Variants in NRXN3 observed in about 807,000 individuals in gnomAD.
NRXN3 encodes neurexin III.
Under a neutral mutation model 137.6 loss-of-function variants are expected in NRXN3, and 32 were observed. That is an observed-to-expected ratio of 0.23 (90% confidence interval 0.18 to 0.31). The LOEUF (loss-of-function observed/expected upper bound fraction) is 0.31. NRXN3 is among the 10% of genes least tolerant of loss of function. NRXN3 has a pLI of 1.00. For synonymous variants in NRXN3, 798 were observed against 784.5 expected (o/e 1.02, Z -0.29); for missense variants, 1,574 against 2,062.5 (o/e 0.76, Z 4.59).
At chr14:79,215,890 T>A (rs886589113) in intron 15 of NRXN3, among the ~76,000 whole-genome samples, 2 of 152,200 alleles carry the variant, frequency 1.3e-5, no homozygotes, top group Non-Finnish European at 2.9e-5. Context: ...TCACTGGTGT[T>A]TTTTTCTGGT....
chr14:79,166,942 A>C (rs1325526639), intron 15 of NRXN3, among the ~76,000 whole-genome samples: 1 of 151,962 alleles, frequency 6.6e-6, no homozygotes, highest in Admixed American at 6.6e-5. Flanking sequence ...ATTTCTTTTA[A>C]TCCTCTCATT....
chr14:78,344,829 C>T (rs953031528), intron 4 of NRXN3, among the ~76,000 whole-genome samples: 4 of 152,130 alleles, frequency 2.6e-5, no homozygotes, highest in Middle Eastern at 6.3e-3. Flanking sequence ...ACCTAGACCC[C>T]ATCTCAACTC....
chr14:79,521,646 A>C (rs903422412), intron 16 of NRXN3, among the ~76,000 whole-genome samples: 2 of 152,166 alleles, frequency 1.3e-5, no homozygotes, highest in Admixed American at 1.3e-4. Flanking sequence ...GACTCCTAGC[A>C]ATCAGATAAT....
At chr14:78,846,004 G>A (rs187963749) in intron 10 of NRXN3, among the ~76,000 whole-genome samples, 31 of 151,858 alleles carry the variant, frequency 2.0e-4, no homozygotes, top group African/African-American at 7.0e-4. Context: ...GAGTTTCCAA[G>A]TAAATTTATT....
intron 16 of NRXN3, among the ~76,000 whole-genome samples, chr14:79,499,099 A>G (rs1477478811): frequency 6.6e-6 from 1 of 152,184 alleles, no homozygotes; most frequent in Non-Finnish European, 1.5e-5. Flanking sequence ...AAATATAATC[A>G]GCCTTTATTA....
Position 78,803,716 on chromosome 14 carries a change from T to C in NRXN3, c.2141T>C (p.Met714Thr), listed in dbSNP as rs755993186. 2 of 1,614,124 alleles carry C rather than the reference T, an allele frequency of 1.2e-6. No individual in the cohort carries two copies. The highest frequency in any genetic ancestry group is 1.3e-5 in the African/African-American group (1 of 75,048). Residue 714 changes from methionine (M) to threonine (T), a missense_variant, in exon 9 of 21, where the codon ATG becomes ACG. Around this residue, in one of 5 missense-constraint regions of NRXN3, gnomAD observed 718 missense variants for 887.6 expected, o/e 0.81. Transcript: ENST00000335750. ...GCAGAGGATGTGTCCTTCCGCTTCA[T>C]GTCCCAGCGAGCTTATGGGCTGCTG... ...TEAEDVSFRF[M>T]SQRAYGLLVA... is the part of the protein sequence containing the mutation.
intron 4 of NRXN3, among the ~76,000 whole-genome samples, chr14:78,494,036 T>A (rs781448085): frequency 1.3e-5 from 2 of 152,186 alleles, no homozygotes; most frequent in Non-Finnish European, 2.9e-5. Flanking sequence ...TGGATCTCAG[T>A]GTTTTTGTCC....
At chr14:78,960,477 G>C (rs145963233) in intron 11 of NRXN3, among the ~76,000 whole-genome samples, 34 of 152,268 alleles carry the variant, frequency 2.2e-4, no homozygotes, top group African/African-American at 8.2e-4. Context: ...TAAAGAATAG[G>C]TCTGGCTCAC....
chr14:79,034,456 A>G (rs958654890), intron 15 of NRXN3, among the ~76,000 whole-genome samples: 2 of 152,070 alleles, frequency 1.3e-5, no homozygotes, highest in African/African-American at 4.8e-5. Flanking sequence ...TTGTGAGAAG[A>G]ACAATTTTGG....
chr14:79,743,740 T>G (rs1029059613), intron 19 of NRXN3, among the ~76,000 whole-genome samples: 12 of 152,174 alleles, frequency 7.9e-5, no homozygotes, highest in African/African-American at 2.9e-4. Flanking sequence ...ACTGGAGATT[T>G]AGTTACAGGT....
At chr14:79,186,409 T>C (rs2063551416) in intron 15 of NRXN3, among the ~76,000 whole-genome samples, 1 of 152,192 alleles carries the variant, frequency 6.6e-6, no homozygotes. Context: ...TCTCTCTTTT[T>C]TATGAATCAC....
At chr14:78,601,579 A>G (rs1219054350) in intron 4 of NRXN3, among the ~76,000 whole-genome samples, 2 of 151,806 alleles carry the variant, frequency 1.3e-5, no homozygotes, top group African/African-American at 2.4e-5. Flanking sequence ...CAGCCTCCCA[A>G]GTAGCTGGGA....
At chr14:79,265,222 G>C (rs1234046941) in intron 15 of NRXN3, among the ~76,000 whole-genome samples, 2 of 149,238 alleles carry the variant, frequency 1.3e-5, no homozygotes, top group East Asian at 3.9e-4. Context: ...AGGAGGAATG[G>C]GGGTTGCTCT....
At chr14:79,061,469 C>G (rs141465669) in intron 15 of NRXN3, among the ~76,000 whole-genome samples, 12 of 152,202 alleles carry the variant, frequency 7.9e-5, no homozygotes, top group Non-Finnish European at 1.2e-4. Context: ...GTGCAAAGCA[C>G]CCATGGCAAG....
chr14:79,423,604 G>T (rs1180175667), intron 15 of NRXN3, among the ~76,000 whole-genome samples: 1 of 152,190 alleles, frequency 6.6e-6, no homozygotes, highest in Non-Finnish European at 1.5e-5. Context: ...GCATTAGAAA[G>T]CTCCCCTCCA....
intron 16 of NRXN3, among the ~76,000 whole-genome samples, chr14:79,538,971 A>G (rs529294103): frequency 3.3e-5 from 5 of 152,316 alleles, no homozygotes; most frequent in Non-Finnish European, 7.4e-5. Context: ...ACTTATCCCT[A>G]TTTTACAGTT....
chr14:79,598,724 C>A (rs79357167), intron 16 of NRXN3, among the ~76,000 whole-genome samples: 8,620 of 152,182 alleles, frequency 0.057, 249 homozygotes, highest in East Asian at 0.082. Flanking sequence ...TGGGGAGAAG[C>A]AGAGGAAAGA....
In NRXN3 at chr14:79,861,313, T is replaced by C. The variant is rs927757684; in HGVS notation, c.4094-29T>C. On this transcript the variant is annotated intron_variant, in intron 20 of 20. Coordinates refer to ENST00000335750, the MANE Select transcript of NRXN3 (RefSeq NM_001330195.2). This position sits in a 1 kb window ranked among gnomAD's most constrained non-coding sequence, Gnocchi z 5.4. ...ACCTGCCCCCTACTGATGATGAAGATTTTTACACCACCTTCTCCTTGGTAA... is the reference window on the plus strand; with the variant it reads ...ACCTGCCCCCTACTGATGATGAAGACTTTTACACCACCTTCTCCTTGGTAA... The C allele has an allele frequency of 6.5e-7, 1 of 1,536,084 alleles. No homozygotes were observed. The highest frequency in any genetic ancestry group is 2.4e-5 in the East Asian group (1 of 40,908).
rs190120275 is a variant in NRXN3, at chr14:79,380,647, G to A, written c.3263-86574G>A. ...AGTCTTTGGTATTGTGAATAGTGCC[G>A]CAATAAACATACGTGTGCATGTGTC... On this transcript the variant is annotated intron_variant, in intron 15 of 20. Coordinates refer to ENST00000335750, the MANE Select transcript of NRXN3 (RefSeq NM_001330195.2). Among the ~76,000 whole-genome samples the A allele has an allele frequency of 2.0e-4, 31 of 152,016 alleles. No individual in the cohort carries two copies. The East Asian group carries it at 3.9e-3, about 19-fold the overall frequency.
Sources: allele counts gnomAD v4.1 joint callset (sites outside exome capture counted in the v4.1 genomes callset), GRCh38; gene constraint gnomAD v4.1.1; regional missense constraint gnomAD v4.1.1; non-coding constraint Gnocchi (gnomAD v3.1); transcripts MANE v1.5; gene names NCBI Gene and HGNC (gene_info 2026-07-23, HGNC 2026-07-21).